ZNF521: variants seen among roughly 807,000 people sequenced by gnomAD.
ZNF521 encodes the protein zinc finger protein 521, also known as LYST-interacting protein 3.
A neutral mutation model predicts 105.5 loss-of-function variants in ZNF521; 14 were observed. The observed-to-expected ratio is 0.13, with a 90% CI of 0.09 to 0.21. The LOEUF is 0.21. ZNF521 is among the 10% of genes least tolerant of loss of function. The pLI, the probability that ZNF521 is intolerant of heterozygous loss-of-function variation, is 1.00. For missense variants in ZNF521, 1,233 were observed against 1,629.7 expected, an observed-to-expected ratio of 0.76 and a Z score of 4.19; for synonymous variants, 635 against 606.0, an observed-to-expected ratio of 1.05 and a Z score of -0.70.
intron 3 of ZNF521, among the ~76,000 whole-genome samples, chr18:25,317,059 T>C (rs1047249057): frequency 2.6e-5 from 4 of 151,810 alleles, no homozygotes; most frequent in African/African-American, 9.7e-5. Context: ...GTTTCACCAT[T>C]TTGGCCAGGC....
At chr18:25,116,812 A>G (rs562836019) in intron 5 of ZNF521, among the ~76,000 whole-genome samples, 1 of 150,504 alleles carries the variant, frequency 6.6e-6, no homozygotes, top group South Asian at 2.1e-4. Context: ...AGAAAACATA[A>G]TTTGGGGCAA....
At chr18:25,264,758 T>C (rs1045424944) in intron 3 of ZNF521, among the ~76,000 whole-genome samples, 1 of 151,380 alleles carries the variant, frequency 6.6e-6, no homozygotes, top group Non-Finnish European at 1.5e-5. Flanking sequence ...GTTCTATTTA[T>C]TTGTTAGCTA....
At chr18:25,149,312 A>T in intron 5 of ZNF521, among the ~76,000 whole-genome samples, 1 of 152,210 alleles carries the variant, frequency 6.6e-6, no homozygotes, top group East Asian at 1.9e-4. Context: ...TTATGGGTAG[A>T]GAATGATTCT....
At chr18:25,322,722 T>C (rs548219284) in intron 2 of ZNF521, among the ~76,000 whole-genome samples, 1 of 152,278 alleles carries the variant, frequency 6.6e-6, no homozygotes, top group Admixed American at 6.5e-5. Context: ...CATTATTTGT[T>C]AGACAGTGAT....
At chr18:25,154,193 C>A (rs1376375009) in intron 5 of ZNF521, among the ~76,000 whole-genome samples, 2 of 152,168 alleles carry the variant, frequency 1.3e-5, no homozygotes, top group Non-Finnish European at 2.9e-5. Flanking sequence ...CCAAATTCAA[C>A]ATGAACTTTT....
intron 5 of ZNF521, among the ~76,000 whole-genome samples, chr18:25,111,856 G>A (rs2034197077): frequency 6.6e-6 from 1 of 152,212 alleles, no homozygotes; most frequent in South Asian, 2.1e-4. Flanking sequence ...AGGTTTTACT[G>A]CATCTTGAGA....
In ZNF521 at chr18:25,224,959, T is replaced by C. The variant is rs1234132160; in HGVS notation, c.2959A>G (p.Thr987Ala). The change falls in exon 4 of 8, where the codon ACT becomes GCT. Residue 987 changes from threonine to alanine, a missense_variant. Thr to Ala is a moderately conservative substitution (Grantham distance 58). Around this residue, in one of 6 missense-constraint regions of ZNF521, gnomAD observed 614 missense variants for 751.5 expected, o/e 0.82. Transcript: ENST00000361524. ...ATCTTGCAAATCCGGCAGTTTCCAG[T>C]ATCAAGACTCTTACTATGCGTGACT... ...HKVTHSKSLD[T>A]GNCRICKMPL... is the part of the protein sequence containing the mutation. 2 of 1,614,008 alleles carry C rather than the reference T, an allele frequency of 1.2e-6. No individual in the cohort carries two copies. Among genetic ancestry groups the C allele is most frequent in the East Asian group, 2.2e-5 (1 of 44,868 alleles).
intron 3 of ZNF521, among the ~76,000 whole-genome samples, chr18:25,230,775 T>G (rs1028372745): frequency 1.3e-5 from 2 of 152,312 alleles, no homozygotes; most frequent in East Asian, 3.9e-4. Flanking sequence ...GTCTCTTCAC[T>G]TGAGCTGACT....
intron 5 of ZNF521, among the ~76,000 whole-genome samples, chr18:25,185,560 A>C (rs1484094913): frequency 3.9e-5 from 6 of 152,130 alleles, no homozygotes; most frequent in Non-Finnish European, 7.4e-5. Context: ...ATCCCTGTGC[A>C]ACAATCACCC....
At chr18:25,186,919 AAAG>A (rs2035733295) in intron 5 of ZNF521, among the ~76,000 whole-genome samples, 10 of 149,328 alleles carry the variant, frequency 6.7e-5, no homozygotes, top group Non-Finnish European at 5.9e-5. Flanking sequence ...AAAAAAAAAA[AAAG>A]AAAAAGAAAG....
chr18:25,081,063 T>C (rs2033482692), intron 7 of ZNF521, among the ~76,000 whole-genome samples: 1 of 134,042 alleles, frequency 7.5e-6, no homozygotes, highest in Non-Finnish European at 1.5e-5. Flanking sequence ...CTTGGCGACA[T>C]GGAAGATGGC....
At chr18:25,294,151 A>G (rs924430094) in intron 3 of ZNF521, among the ~76,000 whole-genome samples, 4 of 152,212 alleles carry the variant, frequency 2.6e-5, no homozygotes, top group Admixed American at 2.6e-4. Context: ...CTGGGAAACT[A>G]TTAAAGGTTT....
At chr18:25,324,427 A>T (rs1236480907) in intron 2 of ZNF521, among the ~76,000 whole-genome samples, 4 of 152,140 alleles carry the variant, frequency 2.6e-5, no homozygotes, top group Non-Finnish European at 5.9e-5. Flanking sequence ...CAATGATTCA[A>T]AGATCTCCAA....
intron 5 of ZNF521, among the ~76,000 whole-genome samples, chr18:25,136,958 G>A (rs1312465698): frequency 6.6e-6 from 1 of 152,086 alleles, no homozygotes; most frequent in Non-Finnish European, 1.5e-5. Context: ...ACACAGGCAG[G>A]GAGGCCTGGT....
intron 3 of ZNF521, among the ~76,000 whole-genome samples, chr18:25,252,358 T>C (rs1296270958): frequency 6.6e-6 from 1 of 152,172 alleles, no homozygotes; most frequent in Non-Finnish European, 1.5e-5. Context: ...TGCAAATACC[T>C]AGTTTTCTAA....
At chr18:25,318,663 AG>A (rs1912769969) in intron 3 of ZNF521, among the ~76,000 whole-genome samples, 1 of 152,190 alleles carries the variant, frequency 6.6e-6, no homozygotes, top group Non-Finnish European at 1.5e-5. Context: ...CCAAGGAAAA[AG>A]ACTAGGATGT....
At chr18:25,267,476 T>C (rs750787117) in intron 3 of ZNF521, among the ~76,000 whole-genome samples, 3 of 152,182 alleles carry the variant, frequency 2.0e-5, no homozygotes, top group Admixed American at 6.5e-5. Context: ...CTGTGTATCC[T>C]AACTGAGAGA....
intron 5 of ZNF521, among the ~76,000 whole-genome samples, chr18:25,163,842 G>A (rs187139789): frequency 6.6e-6 from 1 of 152,266 alleles, no homozygotes; most frequent in East Asian, 1.9e-4. Flanking sequence ...TTTCCCTCGC[G>A]ACATATCAGA....
intron 5 of ZNF521, among the ~76,000 whole-genome samples, chr18:25,177,672 T>C (rs1486883973): frequency 6.6e-6 from 1 of 152,138 alleles, no homozygotes; most frequent in Non-Finnish European, 1.5e-5. Flanking sequence ...ATATACTACA[T>C]GACCAGACTT....
Sources: gnomAD v4.1 joint callset for allele counts (sites outside exome capture counted in the v4.1 genomes callset) on GRCh38, gnomAD v4.1.1 for gene constraint, gnomAD v4.1.1 regional missense constraint, MANE v1.5 for transcripts, NCBI Gene and HGNC (gene_info 2026-07-23, HGNC 2026-07-21) for gene names.